SHOC2: variants seen among roughly 807,000 people sequenced by gnomAD.
SHOC2 encodes the protein SHOC2 leucine rich repeat scaffold protein.
SHOC2 carries 4 observed loss-of-function variants against 50.2 expected under a neutral mutation model. The observed-to-expected ratio is 0.08, with a 90% confidence interval of 0.04 to 0.18. The LOEUF is 0.18. Among genes scored for constraint, SHOC2 ranks in the 10% least tolerant of loss-of-function variants. SHOC2 has a pLI of 1.00. For synonymous variants in SHOC2, 218 were observed against 244.5 expected (o/e 0.89, Z 1.01); for missense variants, 388 against 669.6 (o/e 0.58, Z 4.64).
intron 6 of SHOC2, among the ~76,000 whole-genome samples, chr10:111,008,667 G>GA (rs1848513100): frequency 6.6e-6 from 1 of 152,002 alleles, no homozygotes; most frequent in Admixed American, 6.6e-5. Flanking sequence ...TAACATTAGG[G>GA]AAAATAAATG....
chr10:110,943,203 G>GT (rs1373155062), intron 1 of SHOC2, among the ~76,000 whole-genome samples: 1 of 149,148 alleles, frequency 6.7e-6, no homozygotes, highest in East Asian at 1.9e-4. Flanking sequence ...GAGTATGTTA[G>GT]TTCACTTCAT....
intron 2 of SHOC2, among the ~76,000 whole-genome samples, chr10:110,979,508 A>G (rs1220707696): frequency 6.6e-6 from 1 of 152,164 alleles, no homozygotes; most frequent in Non-Finnish European, 1.5e-5. Context: ...TCTGCCTATT[A>G]CAGTTCTCTT....
At chr10:110,959,373 C>G (rs540596842) in intron 1 of SHOC2, among the ~76,000 whole-genome samples, 1 of 152,122 alleles carries the variant, frequency 6.6e-6, no homozygotes, top group African/African-American at 2.4e-5. Context: ...GGTATTTCAC[C>G]TAGTTATATA....
At position 110,931,948 on chromosome 10, in the gene SHOC2, A is replaced by G. The variant is rs144291302; in HGVS notation, c.-235+12291A>G. Among the ~76,000 whole-genome samples, 4 of 152,306 alleles carry G rather than the reference A, an allele frequency of 2.6e-5. No individual in the cohort carries two copies. In the East Asian group the frequency reaches 7.7e-4, roughly 29 times the overall value. ...TCAGACAACTAACCTGCCAAGTCTA[A>G]TAATAGCATGATAAGTGTTCTGTTA... On this transcript the variant is annotated intron_variant, in intron 1 of 8. Transcript: ENST00000369452.
At chr10:110,920,428 C>G (rs571643871) in intron 1 of SHOC2, among the ~76,000 whole-genome samples, 1 of 152,336 alleles carries the variant, frequency 6.6e-6, no homozygotes, top group East Asian at 1.9e-4. Context: ...CCCCCAGCAC[C>G]TCAATATCCA....
rs1027917336 is a variant in SHOC2, at chr10:111,000,671, T to C, written c.972+126T>C. On this transcript the variant is annotated intron_variant, in intron 4 of 8. Transcript: ENST00000369452. ...GAGATTGTTTAAATAATGAGTATGC[T>C]GTGAATGTACCACCACCGCTGAAGT... 4.8e-6 allele frequency: 4 copies of C among 825,430 alleles called. No individual in the cohort carries two copies. In the Admixed American group the frequency reaches 6.1e-5, roughly 13 times the overall value. The allele number at this position is 825,430 out of a possible 1,614,324, so 51.1% of individuals were successfully genotyped here. A position where few individuals can be genotyped will look rare whatever the true frequency, so the allele number is the denominator to read the frequency against.
At chr10:110,936,608 A>ATT in intron 1 of SHOC2, 3 of 286,298 alleles carry the variant, frequency 1.0e-5, no homozygotes, top group East Asian at 1.2e-4. Flanking sequence ...TTTTTTTAAC[A>ATT]GTCTTTATTG....
intron 4 of SHOC2, among the ~76,000 whole-genome samples, chr10:111,002,378 GTTTTCAA>G (rs894242629): frequency 5.3e-5 from 8 of 152,134 alleles, no homozygotes; most frequent in African/African-American, 1.9e-4. Context: ...CATGAAAGTG[GTTTTCAA>G]TAAGGGCATA....
intron 1 of SHOC2, among the ~76,000 whole-genome samples, chr10:110,956,208 C>T (rs887848357): frequency 2.0e-5 from 3 of 151,026 alleles, no homozygotes; most frequent in Non-Finnish European, 2.9e-5. Context: ...TTTTTTGAGA[C>T]GGAGTTTCGC....
chr10:110,960,285 A>G (rs1847546708), intron 1 of SHOC2, among the ~76,000 whole-genome samples: 1 of 152,250 alleles, frequency 6.6e-6, no homozygotes. Flanking sequence ...AGCAGAAAGC[A>G]ATCTGTCTTG....
In SHOC2 at chr10:111,011,624, C is replaced by G. The variant is rs2134182984; in HGVS notation, c.1555C>G (p.Leu519Val). 1.9e-6 allele frequency: 3 copies of G among 1,612,974 alleles called. No homozygotes were observed. Among genetic ancestry groups the G allele is most frequent in the Non-Finnish European group, 2.5e-6 (3 of 1,179,358 alleles). ...LPEEIGTLEN[L>V]EELYLNDNPN... ...TTTTTAAACAGGTACACTGGAGAACCTAGAAGAACTGTATTTGAATGACAA... is the reference window on the plus strand; with the variant it reads ...TTTTTAAACAGGTACACTGGAGAACGTAGAAGAACTGTATTTGAATGACAA... Residue 519 changes from leucine (L) to valine (V), a missense_variant, in exon 9 of 9, where the codon CTA becomes GTA. This residue lies in a region of SHOC2 where 130 missense variants were observed against 208.6 expected (regional missense o/e 0.62). Coordinates refer to ENST00000369452, the MANE Select transcript of SHOC2 (RefSeq NM_007373.4).
At chr10:111,005,761 C>G (rs1672498100) in intron 5 of SHOC2, among the ~76,000 whole-genome samples, 1 of 152,186 alleles carries the variant, frequency 6.6e-6, no homozygotes, top group African/African-American at 2.4e-5. Context: ...TTAATTTGTA[C>G]TGGACAAACT....
intron 8 of SHOC2, 121 bp downstream of exon 8, chr10:111,009,951 A>ATT (rs368477814): frequency 8.6e-4 from 481 of 559,638 alleles, no homozygotes; most frequent in African/African-American, 8.5e-3. Flanking sequence ...CAGGCTTAAG[A>ATT]TTTTTTTTTT....
chr10:110,967,907 T>C (rs1416357075), intron 2 of SHOC2, among the ~76,000 whole-genome samples: 1 of 152,232 alleles, frequency 6.6e-6, no homozygotes, highest in Non-Finnish European at 1.5e-5. Context: ...GCTTTCTGAC[T>C]GTTATGAGTA....
intron 1 of SHOC2, chr10:110,951,482 A>T (rs1470954666): frequency 3.3e-5 from 5 of 152,180 alleles, no homozygotes; most frequent in Non-Finnish European, 2.9e-5. Flanking sequence ...GGAGTTTCAT[A>T]AAAAAATTAA....
chr10:110,953,097 G>A (rs1369163698), intron 1 of SHOC2, among the ~76,000 whole-genome samples: 1 of 152,154 alleles, frequency 6.6e-6, no homozygotes, highest in Admixed American at 6.5e-5. Flanking sequence ...TGGGATTGCT[G>A]GGTCAAATGG....
At chr10:110,936,468 C>T (rs978006345) in intron 1 of SHOC2, among the ~76,000 whole-genome samples, 4 of 151,748 alleles carry the variant, frequency 2.6e-5, no homozygotes, top group Middle Eastern at 3.4e-3. Context: ...ATGTTTTTTG[C>T]GTAGATTCTC....
Position 111,006,519 on chromosome 10 carries a change from C to T in SHOC2, c.1162-1012C>T, listed in dbSNP as rs953736895. Among the ~76,000 whole-genome samples the T allele has an allele frequency of 4.6e-5, 7 of 152,076 alleles. No homozygotes were observed. The South Asian group carries it at 1.2e-3, about 27-fold the overall frequency. Reference sequence around the variant, plus strand: ...CCAAGTAGCTGGGACTACAGGCGCCCGCCACTACGCCCGGCTAATTTTTTG... The same window carrying T: ...CCAAGTAGCTGGGACTACAGGCGCCTGCCACTACGCCCGGCTAATTTTTTG... On this transcript the variant is annotated intron_variant, in intron 5 of 8. Coordinates refer to ENST00000369452, the MANE Select transcript of SHOC2 (RefSeq NM_007373.4).
intron 3 of SHOC2, among the ~76,000 whole-genome samples, chr10:110,990,341 C>A (rs1456856990): frequency 6.6e-6 from 1 of 152,166 alleles, no homozygotes; most frequent in Non-Finnish European, 1.5e-5. Context: ...CACTCTGTAT[C>A]TAGGTGCTCT....
Sources: allele counts gnomAD v4.1 joint callset (sites outside exome capture counted in the v4.1 genomes callset), GRCh38; gene constraint gnomAD v4.1.1; regional missense constraint gnomAD v4.1.1; transcripts MANE v1.5; gene names NCBI Gene and HGNC (gene_info 2026-07-23, HGNC 2026-07-21).